CHIC1: variants seen among roughly 807,000 people sequenced by gnomAD.
The protein encoded by CHIC1 is cysteine-rich hydrophobic domain-containing protein 1.
In CHIC1, 7 loss-of-function variants were observed where a neutral mutation model predicts 18.5. That is an observed-to-expected ratio of 0.38 (90% CI 0.22 to 0.71). CHIC1 has a LOEUF of 0.71. Ranked by LOEUF, CHIC1 falls within the 30% of genes least tolerant of loss-of-function variation. The probability of loss-of-function intolerance (pLI) is 0.49; values close to 1 mark genes in which losing one functional copy is unlikely to be tolerated. For missense variants in CHIC1, 159 were observed against 176.9 expected, an observed-to-expected ratio of 0.90 and a Z score of 0.57; for synonymous variants, 77 against 73.5, an observed-to-expected ratio of 1.05 and a Z score of -0.25.
At chrX:73,656,633 G>T (rs1272039167) in intron 3 of CHIC1, among the ~76,000 whole-genome samples, 1 of 111,621 alleles carries the variant, frequency 9.0e-6, no homozygotes, top group Non-Finnish European at 1.9e-5. Context: ...TTAGTTCTGG[G>T]TTCTCTATTC....
At chrX:73,666,668 TTGAG>T (rs983356717) in intron 3 of CHIC1, among the ~76,000 whole-genome samples, 3 of 112,206 alleles carry the variant, frequency 2.7e-5, no homozygotes, top group Non-Finnish European at 5.6e-5. Context: ...CACAGTGGTT[TTGAG>T]TGAATTTCTT....
At chrX:73,617,087 C>A (rs2057736604) in intron 3 of CHIC1, among the ~76,000 whole-genome samples, 1 of 112,045 alleles carries the variant, frequency 8.9e-6, no homozygotes, top group African/African-American at 3.2e-5. Flanking sequence ...ACCCAAGTCA[C>A]CTCTTGAATG....
chrX:73,655,498 A>ATATATATACATATATACACAATATTGTG (rs2057941563), intron 3 of CHIC1, among the ~76,000 whole-genome samples: 1 of 83,100 alleles, frequency 1.2e-5, no homozygotes, highest in Non-Finnish European at 2.3e-5. Context: ...TATTGTGTAT[A>ATATATATACATATATACACAATATTGTG]TATATATACA....
intron 3 of CHIC1, among the ~76,000 whole-genome samples, chrX:73,624,556 G>A (rs1481193466): frequency 8.9e-6 from 1 of 112,021 alleles, no homozygotes; most frequent in African/African-American, 3.2e-5. Context: ...AAGGATCCTA[G>A]AGCAGTCAGT....
intron 3 of CHIC1, among the ~76,000 whole-genome samples, chrX:73,659,302 A>G (rs1361137787): frequency 9.1e-6 from 1 of 110,039 alleles, no homozygotes; most frequent in East Asian, 2.9e-4. Context: ...CTGGCCTTCC[A>G]AGAAGGTTTG....
intron 3 of CHIC1, among the ~76,000 whole-genome samples, chrX:73,673,500 C>G (rs1438195126): frequency 9.0e-6 from 1 of 111,644 alleles, no homozygotes; most frequent in African/African-American, 3.3e-5. Flanking sequence ...ATTTTATTCT[C>G]TTTGAAGCAA....
chrX:73,655,651 A>G (rs201192576), intron 3 of CHIC1, among the ~76,000 whole-genome samples: 69 of 1,455 alleles, frequency 0.047, 7 homozygotes, highest in African/African-American at 0.051. Context: ...GTGTGTGTGT[A>G]TATATATATA....
chrX:73,643,516 A>G, intron 3 of CHIC1, among the ~76,000 whole-genome samples: 1 of 111,878 alleles, frequency 8.9e-6, no homozygotes, highest in East Asian at 2.8e-4. Context: ...AATCAGACGT[A>G]GATTTGGTCT....
At chrX:73,580,936 A>G (rs1434154723) in intron 2 of CHIC1, among the ~76,000 whole-genome samples, 1 of 111,370 alleles carries the variant, frequency 9.0e-6, no homozygotes, top group Non-Finnish European at 1.9e-5. Flanking sequence ...ATGCAAACAA[A>G]AAGATGACCT....
rs112505584 is a variant in CHIC1, at chrX:73,563,504, C to G, written c.220C>G (p.Arg74Gly). ...EEEEEAPPPP[R>G]VVSEEHLRRY... ...GGAGGAGGAAGCGCCGCCCCCGCCT[C>G]GGGTAGTGAGCGAGGAGCATCTGCG... Residue 74 changes from arginine to glycine, a missense_variant, in exon 1 of 6, where the codon CGG becomes GGG. Arg to Gly is a moderately radical substitution (Grantham distance 125). Transcript: ENST00000373502. 1.7e-6 allele frequency: 2 copies of G among 1,166,093 alleles called. No homozygotes were observed.
At chrX:73,572,764 A>G (rs1182782846) in intron 1 of CHIC1, among the ~76,000 whole-genome samples, 1 of 111,133 alleles carries the variant, frequency 9.0e-6, no homozygotes, top group South Asian at 3.7e-4. Context: ...TGAGAAATGT[A>G]TATTCATGCC....
intron 4 of CHIC1, 37 bp downstream of exon 4, chrX:73,679,419 T>A (rs1038879400): frequency 1.1e-6 from 1 of 921,039 alleles, no homozygotes; most frequent in Non-Finnish European, 1.5e-6. Context: ...CCCATTCATA[T>A]ATTTGCAGCA....
At position 73,684,607 on chromosome X, in the gene CHIC1, A is replaced by G. The variant is rs1367848372; in HGVS notation, c.*3602A>G. On this transcript the variant is annotated 3_prime_UTR_variant, in exon 6 of 6. Transcript: ENST00000373502. ...ACCTGATTAACTGGAGCAGTTTCACATAGTAGAAATACTTTTTGCTAATTT... is the reference window on the plus strand; with the variant it reads ...ACCTGATTAACTGGAGCAGTTTCACGTAGTAGAAATACTTTTTGCTAATTT... 9.0e-6 allele frequency: 1 copy of G among 111,450 alleles called. No individual in the cohort carries two copies. Among genetic ancestry groups the G allele is most frequent in the Non-Finnish European group, 1.9e-5 (1 of 52,867 alleles). The allele number at this position is 111,450 out of a possible 1,213,427, so 9.2% of individuals were successfully genotyped here. A position where few individuals can be genotyped will look rare whatever the true frequency, so the allele number is the denominator to read the frequency against.
In CHIC1 at chrX:73,683,941, A is replaced by G. The variant is rs1045505092; in HGVS notation, c.*2936A>G. ...CTCCTAATGCTAATTTAGGAAAGAG[A>G]CCACTGTAGTAAAACTTTAGAAGAA... On this transcript the variant is annotated 3_prime_UTR_variant, in exon 6 of 6. Coordinates refer to ENST00000373502, the MANE Select transcript of CHIC1 (RefSeq NM_001039840.4). The G allele has an allele frequency of 1.8e-5, 2 of 111,927 alleles. No homozygotes were observed. The highest frequency in any genetic ancestry group is 3.8e-5 in the Non-Finnish European group (2 of 52,854). The allele number at this position is 111,927 out of a possible 1,213,427, so 9.2% of individuals were successfully genotyped here.
intron 3 of CHIC1, among the ~76,000 whole-genome samples, chrX:73,670,685 T>C (rs1272003941): frequency 9.0e-6 from 1 of 111,394 alleles, no homozygotes; most frequent in Non-Finnish European, 1.9e-5. Flanking sequence ...AGTATTGCTT[T>C]TGCTGTATCT....
chrX:73,603,989 G>A (rs1231518215), intron 3 of CHIC1, among the ~76,000 whole-genome samples: 3 of 108,642 alleles, frequency 2.8e-5, no homozygotes, highest in Non-Finnish European at 5.7e-5. Context: ...TCTCTGCCAG[G>A]TTTTGGTAAC....
At chrX:73,647,942 C>A (rs2057896832) in intron 3 of CHIC1, among the ~76,000 whole-genome samples, 1 of 111,663 alleles carries the variant, frequency 9.0e-6, no homozygotes, top group Admixed American at 9.5e-5. Context: ...TTGTCAGACA[C>A]CCTATACAGG....
At chrX:73,624,800 C>T (rs1188690819) in intron 3 of CHIC1, among the ~76,000 whole-genome samples, 1 of 112,085 alleles carries the variant, frequency 8.9e-6, no homozygotes, top group African/African-American at 3.2e-5. Context: ...CATGTTCTAT[C>T]CTAAGGTATT....
At position 73,685,180 on chromosome X, in the gene CHIC1, A is replaced by G. The variant is rs1000843396; in HGVS notation, c.*4175A>G. ...GGTGGAAACTCTCACAGTGCCTTGC[A>G]TGCAGTAAAAGTTTGATTTGCCGAC... On this transcript the variant is annotated 3_prime_UTR_variant, in exon 6 of 6. Transcript: ENST00000373502. 2.7e-5 allele frequency: 3 copies of G among 110,926 alleles called. No homozygotes were observed. Among genetic ancestry groups the G allele is most frequent in the African/African-American group, 1.0e-4 (3 of 30,085 alleles). The allele number at this position is 110,926 out of a possible 1,213,427, so 9.1% of individuals were successfully genotyped here.
Sources: allele counts gnomAD v4.1 joint callset (sites outside exome capture counted in the v4.1 genomes callset), GRCh38; gene constraint gnomAD v4.1.1; transcripts MANE v1.5; gene names NCBI Gene and HGNC (gene_info 2026-07-23, HGNC 2026-07-21).